RASGEF1A: variants seen among roughly 807,000 people sequenced by gnomAD.
The protein encoded by RASGEF1A is RasGEF domain family member 1A.
A neutral mutation model predicts 56.4 loss-of-function variants in RASGEF1A; 18 were observed. The ratio of observed to expected loss-of-function variants is 0.32; its 90% CI spans 0.22 to 0.47. RASGEF1A has a LOEUF of 0.47. Ranked by LOEUF, RASGEF1A falls within the 20% of genes least tolerant of loss-of-function variation. RASGEF1A has a pLI of 1.00. For synonymous variants in RASGEF1A, 245 were observed against 242.6 expected, an observed-to-expected ratio of 1.01 and a Z score of -0.09; for missense variants, 422 against 627.1, an observed-to-expected ratio of 0.67 and a Z score of 3.49.
At chr10:43,221,863 G>C (rs1233775829) in intron 1 of RASGEF1A, among the ~76,000 whole-genome samples, 1 of 152,272 alleles carries the variant, frequency 6.6e-6, no homozygotes, top group Non-Finnish European at 1.5e-5. Flanking sequence ...ATGAGATACA[G>C]GTGTGGGGCT....
chr10:43,231,134 C>A (rs1840361112), intron 1 of RASGEF1A, among the ~76,000 whole-genome samples: 2 of 152,254 alleles, frequency 1.3e-5, no homozygotes, highest in African/African-American at 4.8e-5. Context: ...CCAGCTTTCA[C>A]AATGTCCTCC....
intron 1 of RASGEF1A, among the ~76,000 whole-genome samples, chr10:43,222,407 C>T (rs1043265552): frequency 6.6e-6 from 1 of 152,168 alleles, no homozygotes; most frequent in Admixed American, 6.5e-5. Flanking sequence ...TTCACTCCCA[C>T]CCCCAGCTCT....
intron 1 of RASGEF1A, among the ~76,000 whole-genome samples, chr10:43,212,820 T>C (rs949790622): frequency 1.3e-5 from 2 of 152,200 alleles, no homozygotes; most frequent in Admixed American, 6.5e-5. Flanking sequence ...GGACACAGCC[T>C]AAAACTTTAG....
chr10:43,266,543 G>T (rs1157292528), intron 1 of RASGEF1A, among the ~76,000 whole-genome samples: 3 of 150,064 alleles, frequency 2.0e-5, no homozygotes, highest in Admixed American at 6.6e-5. Context: ...CTCCTGCCAC[G>T]CCCGGCCCGG....
At chr10:43,218,888 T>C (rs1400974383) in intron 1 of RASGEF1A, among the ~76,000 whole-genome samples, 3 of 152,258 alleles carry the variant, frequency 2.0e-5, no homozygotes, top group Non-Finnish European at 2.9e-5. Context: ...TCCCTTCTAT[T>C]ACCCAATACA....
At position 43,196,765 on chromosome 10, in the gene RASGEF1A, C is replaced by G. The variant is rs1839804483; in HGVS notation, c.1348+211G>C. Reference sequence around the variant, plus strand: ...CTGACCTAAGCCCATGTGACCCTCTCCAGTGGCTGCTGGAAACTGAGTCTC... The same window carrying G: ...CTGACCTAAGCCCATGTGACCCTCTGCAGTGGCTGCTGGAAACTGAGTCTC... On this transcript the variant is annotated intron_variant, in intron 11 of 12. Coordinates refer to ENST00000395810, the MANE Select transcript of RASGEF1A (RefSeq NM_145313.4). This position sits in a 1 kb window ranked among gnomAD's most constrained non-coding sequence, Gnocchi z 4.6. Among the ~76,000 whole-genome samples, 2 of 152,326 alleles carry G rather than the reference C, an allele frequency of 1.3e-5. No homozygotes were observed. The highest frequency in any genetic ancestry group is 3.4e-3 in the Middle Eastern group (1 of 294).
chr10:43,208,051 A>C (rs939756241), intron 1 of RASGEF1A: 2 of 985,278 alleles, frequency 2.0e-6, no homozygotes, highest in African/African-American at 1.7e-5. Context: ...TTGTGCAATG[A>C]AGTCACGAAG....
intron 1 of RASGEF1A, among the ~76,000 whole-genome samples, chr10:43,263,794 C>A (rs895268463): frequency 2.0e-5 from 3 of 152,188 alleles, no homozygotes; most frequent in Admixed American, 6.5e-5. Context: ...CACCCATGTG[C>A]TTCCTGGGAG....
chr10:43,244,516 A>G (rs1840549101), intron 1 of RASGEF1A, among the ~76,000 whole-genome samples: 2 of 151,276 alleles, frequency 1.3e-5, no homozygotes, highest in South Asian at 2.1e-4. Context: ...TCAAGTGCAC[A>G]GGAAATATTC....
intron 1 of RASGEF1A, among the ~76,000 whole-genome samples, chr10:43,227,215 G>C (rs1376500170): frequency 6.6e-6 from 1 of 152,158 alleles, no homozygotes; most frequent in Non-Finnish European, 1.5e-5. Flanking sequence ...AGCTTCCCCT[G>C]CACTAAGTCA....
chr10:43,205,922 G>A lies in RASGEF1A; in HGVS notation c.195C>T (p.Pro65=), dbSNP rs142569754. ...CCACAAGGCCCCACGTACTCACATC[G>A]GGGTAATAGTCCACCGTGGGAACAA... ...EHLVPTVDYY[P]DRTYIFTFLL... is the part of the protein sequence containing the mutation. Residue 65 remains proline, a synonymous_variant, in exon 2 of 13, where the codon CCC becomes CCT. Transcript: ENST00000395810. The A allele has an allele frequency of 1.1e-4, 178 of 1,611,628 alleles. 1 individual carries two copies. The African/African-American group carries it at 1.6e-3, about 15-fold the overall frequency.
chr10:43,249,374 C>G (rs1383852063), intron 1 of RASGEF1A, among the ~76,000 whole-genome samples: 1 of 152,248 alleles, frequency 6.6e-6, no homozygotes. Flanking sequence ...GTTGCAGGGC[C>G]CCCACTCCAC....
intron 1 of RASGEF1A, among the ~76,000 whole-genome samples, chr10:43,211,369 C>G (rs1174650455): frequency 6.6e-6 from 1 of 152,188 alleles, no homozygotes. Context: ...CAGGGTCACA[C>G]CCCTGACCTG....
At chr10:43,228,120 G>A (rs147491279) in intron 1 of RASGEF1A, among the ~76,000 whole-genome samples, 15 of 152,172 alleles carry the variant, frequency 9.9e-5, no homozygotes, top group Non-Finnish European at 1.3e-4. Context: ...ACGCCACCTC[G>A]CTGGCCTCAC....
chr10:43,213,780 C>T (rs1227333422), intron 1 of RASGEF1A, among the ~76,000 whole-genome samples: 1 of 151,658 alleles, frequency 6.6e-6, no homozygotes, highest in African/African-American at 2.4e-5. Flanking sequence ...GTGTACACCA[C>T]CATGCCCAGC....
chr10:43,235,406 T>C (rs1345113828), intron 1 of RASGEF1A, among the ~76,000 whole-genome samples: 2 of 152,208 alleles, frequency 1.3e-5, no homozygotes, highest in African/African-American at 2.4e-5. Flanking sequence ...CCTGAGGCTC[T>C]TCCTGGGGTC....
chr10:43,201,956 A>G lies in RASGEF1A; in HGVS notation c.322-11T>C, dbSNP rs1167936722. The G allele has an allele frequency of 6.2e-7, 1 of 1,600,374 alleles. No homozygotes were observed. The highest frequency in any genetic ancestry group is 8.5e-7 in the Non-Finnish European group (1 of 1,171,444). ...AGACTTCAGCTTGGCCTGGGGCAGC[A>G]GGGGATACAGAGTAAGGCCCCACAG... On this transcript the variant is annotated splice_polypyrimidine_tract_variant and intron_variant, in intron 3 of 12. Coordinates refer to ENST00000395810, the MANE Select transcript of RASGEF1A (RefSeq NM_145313.4).
At chr10:43,199,942 G>A (rs1193959988) in intron 6 of RASGEF1A, among the ~76,000 whole-genome samples, 174 bp from the exon 7 acceptor site, 2 of 152,260 alleles carry the variant, frequency 1.3e-5, no homozygotes, top group Non-Finnish European at 2.9e-5. Context: ...CTGGCTCCCT[G>A]GCCCAAATCT....
At chr10:43,211,552 G>A (rs1840069882) in intron 1 of RASGEF1A, among the ~76,000 whole-genome samples, 1 of 152,200 alleles carries the variant, frequency 6.6e-6, no homozygotes, top group African/African-American at 2.4e-5. Context: ...GCCTCATTGT[G>A]GCTATCCCAG....
Sources: allele counts gnomAD v4.1 joint callset (sites outside exome capture counted in the v4.1 genomes callset), GRCh38; gene constraint gnomAD v4.1.1; non-coding constraint Gnocchi (gnomAD v3.1); transcripts MANE v1.5; gene names NCBI Gene and HGNC (gene_info 2026-07-23, HGNC 2026-07-21).